FGD1: variants seen among roughly 807,000 people sequenced by gnomAD.
The protein encoded by FGD1 is FYVE, RhoGEF and PH domain-containing protein 1.
In FGD1, 12 loss-of-function variants were observed where a neutral mutation model predicts 65.0. The ratio of observed to expected loss-of-function variants is 0.18; its 90% CI spans 0.12 to 0.30. The LOEUF is 0.30. FGD1 is among the 10% of genes least tolerant of loss of function. The pLI is 1.00. For missense variants in FGD1, 542 were observed against 837.6 expected (o/e 0.65, Z 4.36); for synonymous variants, 333 against 343.9 (o/e 0.97, Z 0.35).
At chrX:54,448,246 C>T (rs769671684) in intron 16 of FGD1, among the ~76,000 whole-genome samples, 109 of 107,234 alleles carry the variant, frequency 1.0e-3, no homozygotes, top group South Asian at 6.2e-3. Context: ...AGTACAATGG[C>T]GCGATCTTGG....
rs1922168723 is a variant in FGD1, at chrX:54,446,218, C to T, written c.2777G>A (p.Cys926Tyr). The change falls in exon 18 of 18, where the codon TGC (cysteine) becomes TAC (tyrosine). Residue 926 changes from cysteine to tyrosine, a missense_variant. Coordinates refer to ENST00000375135, the MANE Select transcript of FGD1 (RefSeq NM_004463.3). ...LGRAGRGDTF[C>Y]PGPTLSEDRE... ...GTCCTCAGACAGTGTGGGCCCCGGG[C>T]AGAACGTGTCCCCTCGGCCCGCCCG... 1 of 1,211,862 alleles carries T rather than the reference C, an allele frequency of 8.3e-7. No homozygotes were observed. The highest frequency in any genetic ancestry group is 3.0e-5 in the East Asian group (1 of 33,844).
In FGD1 at chrX:54,465,799, T is replaced by C; in HGVS notation, c.1394A>G (p.Lys465Arg). ...DILQKLAPFLKMYGEYVKNFD... is the reference protein window; with the variant it reads ...DILQKLAPFLRMYGEYVKNFD... ...GTTCTTCACATACTCACCATACATC[T>C]TGAGGAAGGGGGCCAGTTTCTGCAG... is the stretch of plus-strand genomic sequence containing the variant. The change falls in exon 7 of 18, where the codon AAG (lysine) becomes AGG (arginine). Residue 465 changes from lysine to arginine, a missense_variant. Coordinates refer to ENST00000375135, the MANE Select transcript of FGD1 (RefSeq NM_004463.3). 1 of 1,211,320 alleles carries C rather than the reference T, an allele frequency of 8.3e-7. No homozygotes were observed. Among genetic ancestry groups the C allele is most frequent in the Non-Finnish European group, 1.1e-6 (1 of 895,324 alleles).
intron 1 of FGD1, among the ~76,000 whole-genome samples, chrX:54,475,594 C>T (rs1197471030): frequency 9.1e-6 from 1 of 109,311 alleles, no homozygotes; most frequent in Non-Finnish European, 1.9e-5. Context: ...TCAGAACTCC[C>T]TCTCCCTTGT....
intron 4 of FGD1, among the ~76,000 whole-genome samples, chrX:54,469,484 TG>T (rs1425536362): frequency 2.7e-5 from 3 of 112,422 alleles, no homozygotes; most frequent in Non-Finnish European, 5.6e-5. Flanking sequence ...GCTGAGTACC[TG>T]GGGTGTGAGA....
chrX:54,494,586 C>G (rs1183426769), intron 1 of FGD1, among the ~76,000 whole-genome samples: 1 of 109,033 alleles, frequency 9.2e-6, no homozygotes, highest in Non-Finnish European at 1.9e-5. Flanking sequence ...TCCATACTAG[C>G]TGTGTGACCT....
At chrX:54,478,484 G>A (rs967529316) in intron 1 of FGD1, among the ~76,000 whole-genome samples, 1 of 110,630 alleles carries the variant, frequency 9.0e-6, no homozygotes. Context: ...TGAACTGCAC[G>A]GATTGAACTG....
intron 2 of FGD1, among the ~76,000 whole-genome samples, chrX:54,471,007 C>CAA (rs58297795): frequency 1.4e-3 from 65 of 46,345 alleles, no homozygotes; most frequent in Non-Finnish European, 2.3e-3. Flanking sequence ...GATTCTGTCT[C>CAA]AAAAAAAAAA....
At chrX:54,482,844 T>G (rs748569295) in intron 1 of FGD1, among the ~76,000 whole-genome samples, 2 of 110,683 alleles carry the variant, frequency 1.8e-5, no homozygotes, top group Non-Finnish European at 3.8e-5. Flanking sequence ...CAGGGCATGG[T>G]AGTCAGCGAG....
chrX:54,496,033 G>T lies in FGD1; in HGVS notation c.-601C>A, dbSNP rs944409029. On this transcript the variant is annotated 5_prime_UTR_variant, in exon 1 of 18. Transcript: ENST00000375135. Reference sequence around the variant, plus strand: ...CGCGCGTGTGCGCTGCGCTTGGGCTGCGGGGCTCGCCTTCAGCCAGTAGTC... The same window carrying T: ...CGCGCGTGTGCGCTGCGCTTGGGCTTCGGGGCTCGCCTTCAGCCAGTAGTC... 1 of 112,769 alleles carries T rather than the reference G, an allele frequency of 8.9e-6. No homozygotes were observed. The highest frequency in any genetic ancestry group is 1.9e-5 in the Non-Finnish European group (1 of 53,226). 9.3% of individuals were successfully genotyped at this position (112,769 alleles called of 1,213,427 possible). A position where few individuals can be genotyped will look rare whatever the true frequency, so the allele number is the denominator to read the frequency against.
At chrX:54,471,052 CA>C (rs1483813731) in intron 2 of FGD1, among the ~76,000 whole-genome samples, 1 of 107,934 alleles carries the variant, frequency 9.3e-6, no homozygotes, top group Non-Finnish European at 1.9e-5. Flanking sequence ...GGCTGGCTGT[CA>C]TGGCCAGGCC....
chrX:54,477,669 T>C (rs904843583), intron 1 of FGD1, among the ~76,000 whole-genome samples: 7 of 110,015 alleles, frequency 6.4e-5, no homozygotes, highest in Admixed American at 5.8e-4. Flanking sequence ...CCTCAGGTGA[T>C]CCACCTGCCT....
chrX:54,464,322 C>T (rs1476355795), intron 8 of FGD1, among the ~76,000 whole-genome samples: 4 of 110,227 alleles, frequency 3.6e-5, no homozygotes, highest in East Asian at 2.8e-4. Flanking sequence ...TTAGTAGAGA[C>T]GGGGTTTCAC....
In FGD1 at chrX:54,446,721, CT is replaced by C. The variant is rs1226487472; in HGVS notation, c.2581-308del. 2.4e-3 allele frequency among the ~76,000 whole-genome samples: 210 copies of C among 87,669 alleles called. 1 individual carries two copies. Among genetic ancestry groups the C allele is most frequent in the South Asian group, 0.015 (27 of 1,789 alleles). 76.1% of individuals were successfully genotyped at this position (87,669 alleles called of 115,157 possible). A position where few individuals can be genotyped will look rare whatever the true frequency, so the allele number is the denominator to read the frequency against. On this transcript the variant is annotated intron_variant, in intron 17 of 17. Coordinates refer to ENST00000375135, the MANE Select transcript of FGD1 (RefSeq NM_004463.3). ...CTATGCTATTGCCCCTATCTGCATACTTTTTTTTTTTTTTTTTTTTGAGACA... is the reference window on the plus strand; with the variant it reads ...CTATGCTATTGCCCCTATCTGCATACTTTTTTTTTTTTTTTTTTTGAGACA...
chrX:54,448,434 C>T (rs1922294545), intron 16 of FGD1, among the ~76,000 whole-genome samples: 1 of 111,728 alleles, frequency 9.0e-6, no homozygotes, highest in South Asian at 3.7e-4. Context: ...GATTCACCCG[C>T]CTCAGCCTCC....
intron 1 of FGD1, among the ~76,000 whole-genome samples, chrX:54,484,880 C>CCAGCTCCACAT (rs1267758345): frequency 2.7e-5 from 3 of 113,066 alleles, no homozygotes; most frequent in African/African-American, 6.4e-5. Flanking sequence ...CAGCGTCTGG[C>CCAGCTCCACAT]CAGCTCCACA....
chrX:54,452,566 C>T (rs1260468839), intron 12 of FGD1, among the ~76,000 whole-genome samples: 3 of 109,764 alleles, frequency 2.7e-5, no homozygotes, highest in South Asian at 3.9e-4. Context: ...GCCAATATGG[C>T]GAAACCCCGT....
intron 1 of FGD1, among the ~76,000 whole-genome samples, chrX:54,472,231 T>C (rs1922911626): frequency 9.6e-6 from 1 of 104,057 alleles, no homozygotes; most frequent in Non-Finnish European, 2.0e-5. Flanking sequence ...GGAGCTGAGA[T>C]CACCCCACTG....
Position 54,446,410 on chromosome X carries a change from A to G in FGD1, c.2585T>C (p.Val862Ala). The G allele has an allele frequency of 8.3e-7, 1 of 1,207,949 alleles. No individual in the cohort carries two copies. Reference protein sequence around the residue: ...VLYIYGAPQDVKAQRSLPLIG... With the variant: ...VLYIYGAPQDAKAQRSLPLIG... The stretch of plus-strand genomic sequence containing the variant: ...GAGGGGCAGGCTGCGCTGGGCTTTC[A>G]CATCCTGGCGGGAGGAGGGACAGAG... The change falls in exon 18 of 18, where the codon GTG (valine) becomes GCG (alanine). Residue 862 changes from valine (V) to alanine (A), a missense_variant. Transcript: ENST00000375135.
chrX:54,458,613 C>T lies in FGD1; in HGVS notation c.1637-2046G>A, dbSNP rs754020547. Among the ~76,000 whole-genome samples, 4 of 108,759 alleles carry T rather than the reference C, an allele frequency of 3.7e-5. No homozygotes were observed. In the South Asian group the frequency reaches 1.2e-3, roughly 33 times the overall value. The allele number at this position is 108,759 out of a possible 115,157, so 94.4% of individuals were successfully genotyped here. A position where few individuals can be genotyped will look rare whatever the true frequency, so the allele number is the denominator to read the frequency against. On this transcript the variant is annotated intron_variant, in intron 8 of 17. Coordinates refer to ENST00000375135, the MANE Select transcript of FGD1 (RefSeq NM_004463.3). Reference sequence around the variant, plus strand: ...GGCTTCTGCTGACCACTCCAGCTTCCTACACCTCCCTAAACATGTCCCGTC... The same window carrying T: ...GGCTTCTGCTGACCACTCCAGCTTCTTACACCTCCCTAAACATGTCCCGTC...
Sources: allele counts gnomAD v4.1 joint callset (sites outside exome capture counted in the v4.1 genomes callset), GRCh38; gene constraint gnomAD v4.1.1; transcripts MANE v1.5; gene names NCBI Gene and HGNC (gene_info 2026-07-23, HGNC 2026-07-21).